Variants in CACNA1I observed in about 807,000 individuals in gnomAD.
CACNA1I encodes the protein voltage-dependent T-type calcium channel subunit alpha-1I.
In CACNA1I, 74 loss-of-function variants were observed where a neutral mutation model predicts 201.6. The observed-to-expected ratio is 0.37, with a 90% CI of 0.30 to 0.45. CACNA1I has a LOEUF of 0.45. Ranked by LOEUF, CACNA1I falls within the 20% of genes least tolerant of loss-of-function variation. The probability of loss-of-function intolerance (pLI) is 1.00; values close to 1 mark genes in which losing one functional copy is unlikely to be tolerated. For synonymous variants in CACNA1I, 1,431 were observed against 1,345.2 expected (o/e 1.06, Z -1.40); for missense variants, 2,346 against 3,138.1 (o/e 0.75, Z 6.03).
chr22:39,670,979 C>T, intron 26 of CACNA1I, 25 bp downstream of exon 26: 5 of 1,612,112 alleles, frequency 3.1e-6, no homozygotes, highest in East Asian at 2.2e-5. Flanking sequence ...GCCTCCCAGC[C>T]CAAGGTTACA....
rs761916416 is a variant in CACNA1I at position 39,664,091 on chromosome 22, G to A, written c.3598G>A (p.Glu1200Lys). The change falls in exon 20 of 37, where the codon GAA becomes AAA. Residue 1200 changes from glutamate to lysine, a missense_variant and splice_region_variant. Around this residue, in one of 13 missense-constraint regions of CACNA1I, gnomAD observed 158 missense variants for 231.6 expected, o/e 0.68. Transcript: ENST00000402142. ...CTATGGTATCTCCCGATGCTTTCAG[G>A]AACGCATCTTTCTCACCGTGTCCAA... ...ERPQIEAGST[E>K]RIFLTVSNYI... 1.2e-6 allele frequency: 2 copies of A among 1,613,622 alleles called. No individual in the cohort carries two copies. Among genetic ancestry groups the A allele is most frequent in the Non-Finnish European group, 1.7e-6 (2 of 1,179,682 alleles).
At chr22:39,638,156 T>A (rs928346138) in intron 5 of CACNA1I, among the ~76,000 whole-genome samples, 1 of 152,338 alleles carries the variant, frequency 6.6e-6, no homozygotes, top group Admixed American at 6.5e-5. Flanking sequence ...GCCAAGCTGG[T>A]CTCGAACTCC....
chr22:39,578,711 A>C (rs1406360522), intron 1 of CACNA1I, among the ~76,000 whole-genome samples: 1 of 151,994 alleles, frequency 6.6e-6, no homozygotes, highest in Non-Finnish European at 1.5e-5. Context: ...TTGTGTGCTG[A>C]TTCTTTCCTC....
At chr22:39,597,781 G>A (rs1339674190) in intron 1 of CACNA1I, among the ~76,000 whole-genome samples, 3 of 152,226 alleles carry the variant, frequency 2.0e-5, no homozygotes, top group Non-Finnish European at 4.4e-5. Flanking sequence ...GTCAGAGAAG[G>A]GAGGCAGTGA....
rs1935898880 is a variant in CACNA1I at position 39,686,675 on chromosome 22, CAG to C, written c.*272_*273del. 7.2e-6 allele frequency: 1 copy of C among 139,860 alleles called. No homozygotes were observed. Among genetic ancestry groups the C allele is most frequent in the Non-Finnish European group, 1.6e-5 (1 of 63,658 alleles). 8.7% of individuals were successfully genotyped at this position (139,860 alleles called of 1,614,324 possible). ...ATATGTGTATACACACACACATAGA[CAG>C]ACATATATATATATATTTATTTTTT... On this transcript the variant is annotated 3_prime_UTR_variant, in exon 37 of 37. Transcript: ENST00000402142.
Position 39,684,790 on chromosome 22 carries a change from G to A in CACNA1I, c.6027+292G>A. 1 of 584,624 alleles carries A rather than the reference G, an allele frequency of 1.7e-6. No individual in the cohort carries two copies. The highest frequency in any genetic ancestry group is 2.2e-5 in the South Asian group (1 of 46,482). 36.2% of individuals were successfully genotyped at this position (584,624 alleles called of 1,614,324 possible). ...CCTAGCTTGAGGGGAGGGGAGGAGA[G>A]GAGGAGGAGTACTGGAGGTTTTGCA... On this transcript the variant is annotated intron_variant, in intron 36 of 36. Coordinates refer to ENST00000402142, the MANE Select transcript of CACNA1I (RefSeq NM_021096.4). The surrounding 1 kb of genome is among the most constrained non-coding windows in gnomAD (Gnocchi z 4.6).
At chr22:39,574,721 G>C (rs1569042855) in intron 1 of CACNA1I, among the ~76,000 whole-genome samples, 3 of 152,184 alleles carry the variant, frequency 2.0e-5, no homozygotes, top group South Asian at 2.1e-4. Flanking sequence ...CACATGTCTA[G>C]ACCCTGCAAA....
In CACNA1I at chr22:39,649,724, C is replaced by T. The variant is rs775459698; in HGVS notation, c.1791C>T (p.Ser597=). ...CGGATGGGGACGGGGCCCGGAGCAG[C>T]GAGGACGGAGCCTCCTCAGAACTGG... ...DEADGDGARS[S]EDGASSELGK... Residue 597 remains serine (S), a synonymous_variant, in exon 10 of 37, where the codon AGC becomes AGT. Transcript: ENST00000402142. The surrounding 1 kb of genome is among the most constrained non-coding windows in gnomAD (Gnocchi z 7.3). The T allele has an allele frequency of 1.7e-5, 26 of 1,544,070 alleles. No homozygotes were observed. The highest frequency in any genetic ancestry group is 5.9e-5 in the Admixed American group (3 of 51,006).
At position 39,685,922 on chromosome 22, in the gene CACNA1I, TCGC is replaced by T; in HGVS notation, c.6197_6199del (p.Arg2066del). Reference sequence around the variant, plus strand: ...CCCGGGCCGGCCTGTCCCCCGCCGCTCGCCGCCGCCTGAGCCTGCGCGGCCGGG... The same window carrying T: ...CCCGGGCCGGCCTGTCCCCCGCCGCTCGCCGCCTGAGCCTGCGCGGCCGGG... On this transcript the variant is annotated inframe_deletion, in exon 37 of 37. Coordinates refer to ENST00000402142, the MANE Select transcript of CACNA1I (RefSeq NM_021096.4). This position sits in a 1 kb window ranked among gnomAD's most constrained non-coding sequence, Gnocchi z 5.0. 7.6e-7 allele frequency: 1 copy of T among 1,312,898 alleles called. No individual in the cohort carries two copies. Among genetic ancestry groups the T allele is most frequent in the South Asian group, 2.3e-5 (1 of 43,332 alleles). 81.3% of individuals were successfully genotyped at this position (1,312,898 alleles called of 1,614,324 possible).
intron 10 of CACNA1I, chr22:39,656,375 TC>T (rs1176187343): frequency 1.9e-6 from 1 of 518,618 alleles, no homozygotes; most frequent in Admixed American, 1.9e-5. Context: ...CCTTCTCTGC[TC>T]CCTGGCGCCA....
chr22:39,651,570 G>C (rs1431365274), intron 10 of CACNA1I, among the ~76,000 whole-genome samples: 1 of 152,176 alleles, frequency 6.6e-6, no homozygotes, highest in Non-Finnish European at 1.5e-5. Flanking sequence ...CTGCAGGGGA[G>C]CAGCATTCCT....
At chr22:39,576,574 C>A (rs1489055991) in intron 1 of CACNA1I, among the ~76,000 whole-genome samples, 1 of 152,236 alleles carries the variant, frequency 6.6e-6, no homozygotes, top group Non-Finnish European at 1.5e-5. Flanking sequence ...GGGGCAGTGG[C>A]GCTTCTGCTG....
chr22:39,585,727 G>GTTT (rs34320968), intron 1 of CACNA1I, among the ~76,000 whole-genome samples: 2,606 of 83,918 alleles, frequency 0.031, 255 homozygotes, highest in African/African-American at 0.039. Flanking sequence ...AACTTTTAAA[G>GTTT]TTTTTTTTTT....
At chr22:39,624,326 A>G (rs1038600190) in intron 4 of CACNA1I, among the ~76,000 whole-genome samples, 1 of 152,136 alleles carries the variant, frequency 6.6e-6, no homozygotes, top group African/African-American at 2.4e-5. Flanking sequence ...GGTCCCCAGC[A>G]CCAGCCTGCC....
chr22:39,576,128 T>G lies in CACNA1I; in HGVS notation c.236+5140T>G, dbSNP rs571413883. On this transcript the variant is annotated intron_variant, in intron 1 of 36. Coordinates refer to ENST00000402142, the MANE Select transcript of CACNA1I (RefSeq NM_021096.4). Reference sequence around the variant, plus strand: ...GCTGCATATGAGTGAAGGGCCAGAGTGGGTTGCACTCACTTCCTTTTCCCC... The same window carrying G: ...GCTGCATATGAGTGAAGGGCCAGAGGGGGTTGCACTCACTTCCTTTTCCCC... Among the ~76,000 whole-genome samples the G allele has an allele frequency of 1.1e-4, 17 of 152,152 alleles. 1 individual carries two copies. The East Asian group carries it at 1.9e-3, about 17-fold the overall frequency.
chr22:39,619,557 C>T (rs549052471), intron 4 of CACNA1I, 150 bp downstream of exon 4: 34 of 653,716 alleles, frequency 5.2e-5, no homozygotes, highest in African/African-American at 2.5e-4. Flanking sequence ...AGGGATCCTG[C>T]GGTGTCTATC....
At position 39,618,447 on chromosome 22, in the gene CACNA1I, G is replaced by A. The variant is rs556050409; in HGVS notation, c.483-863G>A. ...ACTCTGTGTATGCAGGTGTGTGACT[G>A]TGCGTGTGTGCACACAGGTATGGAA... is the stretch of plus-strand genomic sequence containing the variant. On this transcript the variant is annotated intron_variant, in intron 3 of 36. Transcript: ENST00000402142. Among the ~76,000 whole-genome samples, 7 of 152,208 alleles carry A rather than the reference G, an allele frequency of 4.6e-5. No individual in the cohort carries two copies. In the East Asian group the frequency reaches 1.2e-3, roughly 25 times the overall value.
chr22:39,683,219 T>G (rs1935755011), intron 35 of CACNA1I, among the ~76,000 whole-genome samples: 1 of 152,142 alleles, frequency 6.6e-6, no homozygotes, highest in African/African-American at 2.4e-5. Context: ...CCTGCCATCA[T>G]GGGCTCATCT....
At position 39,679,828 on chromosome 22, in the gene CACNA1I, C is replaced by T. The variant is rs754360072; in HGVS notation, c.5501C>T (p.Ser1834Leu). Residue 1834 changes from serine to leucine, a missense_variant, in exon 33 of 37, where the codon TCG becomes TTG. Around this residue, in one of 13 missense-constraint regions of CACNA1I, gnomAD observed 441 missense variants for 555.6 expected, o/e 0.79. Transcript: ENST00000402142. Reference sequence around the variant, plus strand: ...GGCTCCATCTTCCACCACTACTCCTCGCCTGCCGGCTGCAAGAAGTGTCAC... The same window carrying T: ...GGCTCCATCTTCCACCACTACTCCTTGCCTGCCGGCTGCAAGAAGTGTCAC... ...LSGSIFHHYS[S>L]PAGCKKCHHD... The T allele has an allele frequency of 4.6e-5, 74 of 1,612,770 alleles. No individual in the cohort carries two copies. Among genetic ancestry groups the T allele is most frequent in the Non-Finnish European group, 5.7e-5 (67 of 1,179,548 alleles).
Sources: gnomAD v4.1 joint callset for allele counts (sites outside exome capture counted in the v4.1 genomes callset) on GRCh38, gnomAD v4.1.1 for gene constraint, gnomAD v4.1.1 regional missense constraint, Gnocchi (gnomAD v3.1) non-coding constraint, MANE v1.5 for transcripts, NCBI Gene and HGNC (gene_info 2026-07-23, HGNC 2026-07-21) for gene names.